Variants in EXOC2 observed in about 807,000 individuals in gnomAD.
EXOC2 encodes SEC5-like 1.
Under a neutral mutation model 131.8 loss-of-function variants are expected in EXOC2, and 70 were observed. The observed-to-expected ratio is 0.53, with a 90% confidence interval of 0.44 to 0.65. The LOEUF (loss-of-function observed/expected upper bound fraction) is 0.65. Ranked by LOEUF, EXOC2 falls within the 30% of genes least tolerant of loss-of-function variation. EXOC2 has a pLI of 0.00. For synonymous variants in EXOC2, 411 were observed against 398.4 expected (o/e 1.03, Z -0.38); for missense variants, 923 against 1,108.6 (o/e 0.83, Z 2.38).
chr6:667,682 A>G (rs1471794434), intron 1 of EXOC2, among the ~76,000 whole-genome samples: 1 of 96,722 alleles, frequency 1.0e-5, no homozygotes, highest in African/African-American at 3.1e-5. Context: ...CCTGCCCCCC[A>G]GGTTCTGAGG....
At chr6:604,300 A>C (rs1210913814) in intron 7 of EXOC2, among the ~76,000 whole-genome samples, 1 of 152,114 alleles carries the variant, frequency 6.6e-6, no homozygotes, top group Non-Finnish European at 1.5e-5. Context: ...TAACATGTCA[A>C]ACCTTCCCTG....
intron 1 of EXOC2, among the ~76,000 whole-genome samples, chr6:661,478 G>A (rs1763422507): frequency 6.6e-6 from 1 of 152,218 alleles, no homozygotes; most frequent in Admixed American, 6.5e-5. Context: ...AGAAGGGGTT[G>A]AGGCCCTATC....
At chr6:678,910 A>G (rs1389250177) in intron 1 of EXOC2, among the ~76,000 whole-genome samples, 1 of 152,212 alleles carries the variant, frequency 6.6e-6, no homozygotes, top group Non-Finnish European at 1.5e-5. Context: ...TTACACTCCA[A>G]AAGCATAATG....
At chr6:692,615 G>GT (rs1287766161) in intron 1 of EXOC2, among the ~76,000 whole-genome samples, 1 of 152,278 alleles carries the variant, frequency 6.6e-6, no homozygotes, top group African/African-American at 2.4e-5. Flanking sequence ...AGGCAGACAG[G>GT]TAACACCCGC....
chr6:498,433 C>G (rs902961163), intron 24 of EXOC2, among the ~76,000 whole-genome samples: 1 of 152,108 alleles, frequency 6.6e-6, no homozygotes, highest in African/African-American at 2.4e-5. Flanking sequence ...CTATAGGATG[C>G]TACCATAACA....
intron 6 of EXOC2, among the ~76,000 whole-genome samples, chr6:616,236 A>C (rs1429078211): frequency 2.0e-5 from 3 of 152,192 alleles, no homozygotes; most frequent in Admixed American, 2.0e-4. Flanking sequence ...AAGAAACATA[A>C]GGCACACATA....
At position 572,174 on chromosome 6, in the gene EXOC2, G is replaced by A. The variant is rs145577822; in HGVS notation, c.1443+346C>T. Among the ~76,000 whole-genome samples the A allele has an allele frequency of 3.6e-3, 553 of 152,222 alleles. 3 individuals carry two copies. The highest frequency in any genetic ancestry group is 0.013 in the African/African-American group (535 of 41,534). Reference sequence around the variant, plus strand: ...TTTCCTCATTTGTTCACAGTCTACCGCACATCACCCAGAATTTGGCCTGAC... The same window carrying A: ...TTTCCTCATTTGTTCACAGTCTACCACACATCACCCAGAATTTGGCCTGAC... On this transcript the variant is annotated intron_variant, in intron 13 of 27. Coordinates refer to ENST00000230449, the MANE Select transcript of EXOC2 (RefSeq NM_018303.6).
At position 486,175 on chromosome 6, in the gene EXOC2, A is replaced by G. The variant is rs78303339; in HGVS notation, c.*496T>C. 1,163 of 152,544 alleles carry G rather than the reference A, an allele frequency of 7.6e-3. 14 individuals are homozygous for G. Among genetic ancestry groups the G allele is most frequent in the African/African-American group, 0.025 (1,047 of 41,562 alleles). 9.4% of individuals were successfully genotyped at this position (152,544 alleles called of 1,614,324 possible). ...AAACCCGCTTGAATTAGAAAACTTA[A>G]GGCCATTTATATGAAATGAGGGTTT... On this transcript the variant is annotated 3_prime_UTR_variant, in exon 28 of 28. Coordinates refer to ENST00000230449, the MANE Select transcript of EXOC2 (RefSeq NM_018303.6).
intron 22 of EXOC2, among the ~76,000 whole-genome samples, chr6:547,769 C>G (rs1756942230): frequency 6.6e-6 from 1 of 152,000 alleles, no homozygotes; most frequent in South Asian, 2.1e-4. Flanking sequence ...TGGGAAAGAG[C>G]CTACCATTTA....
At chr6:535,051 T>C (rs571726386) in intron 22 of EXOC2, among the ~76,000 whole-genome samples, 20 of 152,022 alleles carry the variant, frequency 1.3e-4, no homozygotes, top group Admixed American at 5.2e-4. Flanking sequence ...AAAACTTAAA[T>C]CACTGCTCTA....
At chr6:680,905 G>A (rs1443997572) in intron 1 of EXOC2, among the ~76,000 whole-genome samples, 1 of 152,112 alleles carries the variant, frequency 6.6e-6, no homozygotes, top group Admixed American at 6.5e-5. Flanking sequence ...TCAGTGAAAC[G>A]GTGGCCGGGC....
At chr6:578,989 G>A (rs377164623) in intron 11 of EXOC2, among the ~76,000 whole-genome samples, 25 of 151,956 alleles carry the variant, frequency 1.6e-4, no homozygotes, top group South Asian at 4.2e-4. Flanking sequence ...CAAACTTAGC[G>A]TCACATTAAA....
intron 5 of EXOC2, among the ~76,000 whole-genome samples, chr6:618,490 G>C (rs1276898517): frequency 2.6e-5 from 4 of 152,158 alleles, no homozygotes; most frequent in African/African-American, 9.6e-5. Context: ...ATTCTTGATA[G>C]ACCTACACAA....
chr6:586,842 C>G (rs1759236910), intron 11 of EXOC2, among the ~76,000 whole-genome samples: 1 of 152,116 alleles, frequency 6.6e-6, no homozygotes, highest in Non-Finnish European at 1.5e-5. Flanking sequence ...CCCACTAGTC[C>G]CACCCCTACT....
chr6:685,267 G>A (rs950538891), intron 1 of EXOC2, among the ~76,000 whole-genome samples: 3 of 152,064 alleles, frequency 2.0e-5, no homozygotes, highest in African/African-American at 7.2e-5. Context: ...ACCACTTTGG[G>A]TCCAGAGGAC....
In EXOC2 at chr6:629,941, C is replaced by G. The variant is rs1238432006; in HGVS notation, c.316G>C (p.Val106Leu). 6.2e-6 allele frequency: 10 copies of G among 1,614,018 alleles called. No individual in the cohort carries two copies. The highest frequency in any genetic ancestry group is 1.1e-5 in the South Asian group (1 of 91,066). Residue 106 changes from valine (V) to leucine (L), a missense_variant, in exon 4 of 28, where the codon GTG (valine) becomes CTG (leucine). Transcript: ENST00000230449. ...EKIGILDQSAVWVDEMNYYDM... is the reference protein window; with the variant it reads ...EKIGILDQSALWVDEMNYYDM... ...TAATAATTCATTTCATCAACCCACA[C>G]AGCAGACTGATCCAAAATGCCTACA... is the stretch of plus-strand genomic sequence containing the variant.
chr6:639,195 TGGG>T (rs1017126597), intron 1 of EXOC2, among the ~76,000 whole-genome samples: 1 of 152,108 alleles, frequency 6.6e-6, no homozygotes, highest in Non-Finnish European at 1.5e-5. Context: ...GTGGGAAACT[TGGG>T]GGCAGGCTGA....
rs775483704 is a variant in EXOC2, at chr6:610,197, T to G, written c.662-19A>C. 29 of 1,607,518 alleles carry G rather than the reference T, an allele frequency of 1.8e-5. No individual in the cohort carries two copies. The highest frequency in any genetic ancestry group is 2.4e-5 in the Non-Finnish European group (28 of 1,174,508). On this transcript the variant is annotated intron_variant, in intron 6 of 27. Coordinates refer to ENST00000230449, the MANE Select transcript of EXOC2 (RefSeq NM_018303.6). ...TGGATGGCTAGAAAAAAAAATCTAG[T>G]TAAAATGTAGGCCATTTTAATGGGT... is the stretch of plus-strand genomic sequence containing the variant.
chr6:680,162 T>C (rs1277211880), intron 1 of EXOC2, among the ~76,000 whole-genome samples: 1 of 152,224 alleles, frequency 6.6e-6, no homozygotes, highest in African/African-American at 2.4e-5. Flanking sequence ...TACTTTCATG[T>C]TGTTTGTTGA....
Sources: allele counts gnomAD v4.1 joint callset (sites outside exome capture counted in the v4.1 genomes callset), GRCh38; gene constraint gnomAD v4.1.1; transcripts MANE v1.5; gene names NCBI Gene and HGNC (gene_info 2026-07-23, HGNC 2026-07-21).